The following SULF2 variants were observed in gnomAD, a reference collection of about 807,000 sequenced individuals.
SULF2 encodes the protein extracellular sulfatase Sulf-2.
In SULF2, 52 loss-of-function variants were observed where a neutral mutation model predicts 107.7. The ratio of observed to expected loss-of-function variants is 0.48; its 90% CI spans 0.39 to 0.61. The LOEUF (loss-of-function observed/expected upper bound fraction) is 0.61. Among genes scored for constraint, SULF2 ranks in the 20% least tolerant of loss-of-function variants. The pLI, the probability that SULF2 is intolerant of heterozygous loss-of-function variation, is 0.00. For missense variants in SULF2, 993 were observed against 1,177.3 expected (o/e 0.84, Z 2.29); for synonymous variants, 460 against 464.3 (o/e 0.99, Z 0.12).
chr20:47,707,626 G>A (rs1297558371), intron 3 of SULF2, among the ~76,000 whole-genome samples: 2 of 152,052 alleles, frequency 1.3e-5, no homozygotes, highest in Non-Finnish European at 2.9e-5. Context: ...TGAGATATGC[G>A]GACCCCCCCA....
chr20:47,768,485 G>T (rs113841768), intron 1 of SULF2, among the ~76,000 whole-genome samples: 1 of 152,210 alleles, frequency 6.6e-6, no homozygotes, highest in Non-Finnish European at 1.5e-5. Flanking sequence ...ATTGGGGGGC[G>T]GGCTGGAGGC....
chr20:47,695,368 G>C (rs1397489346), intron 4 of SULF2, among the ~76,000 whole-genome samples: 1 of 152,136 alleles, frequency 6.6e-6, no homozygotes, highest in East Asian at 1.9e-4. Context: ...GCACCATGTT[G>C]TACAGCAGAT....
intron 1 of SULF2, among the ~76,000 whole-genome samples, chr20:47,783,534 G>A (rs1403354752): frequency 2.6e-5 from 4 of 152,154 alleles, no homozygotes; most frequent in Admixed American, 1.3e-4. Flanking sequence ...CTGCTATGCT[G>A]TCCTCCTCCA....
chr20:47,733,281 C>G (rs909178247), intron 3 of SULF2, among the ~76,000 whole-genome samples: 1 of 152,098 alleles, frequency 6.6e-6, no homozygotes, highest in African/African-American at 2.4e-5. Flanking sequence ...TTAGGAGAGG[C>G]CCTTGAAAAA....
intron 3 of SULF2, among the ~76,000 whole-genome samples, chr20:47,727,275 G>A (rs1030620850): frequency 6.6e-6 from 1 of 152,144 alleles, no homozygotes; most frequent in Non-Finnish European, 1.5e-5. Context: ...ATTCAGAGAG[G>A]AGCAGGCCAC....
At chr20:47,665,797 C>T (rs544260708) in intron 13 of SULF2, 60 bp downstream of exon 13, 179 of 1,445,308 alleles carry the variant, frequency 1.2e-4, no homozygotes, top group African/African-American at 2.8e-4. Flanking sequence ...CACTGTGAAC[C>T]GGGGGTCCTG....
Position 47,729,653 on chromosome 20 carries a change from G to T in SULF2, c.415+7050C>A, listed in dbSNP as rs12481302. ...GAGCAACTGGAAAACTGGAGGTGCCGAGGAGAAGCCTGTGAGAGGCGCCGG... is the reference window on the plus strand; with the variant it reads ...GAGCAACTGGAAAACTGGAGGTGCCTAGGAGAAGCCTGTGAGAGGCGCCGG... On this transcript the variant is annotated intron_variant, in intron 3 of 20. Transcript: ENST00000688720. Among the ~76,000 whole-genome samples, 163 of 152,328 alleles carry T rather than the reference G, an allele frequency of 1.1e-3. 1 individual carries two copies. In the East Asian group the frequency reaches 0.018, roughly 17 times the overall value.
intron 11 of SULF2, among the ~76,000 whole-genome samples, chr20:47,670,126 C>A (rs140319209): frequency 6.6e-6 from 1 of 152,164 alleles, no homozygotes; most frequent in Non-Finnish European, 1.5e-5. Flanking sequence ...GAGATCACTG[C>A]GCCTGCCGTC....
chr20:47,661,261 C>T (rs554836640), intron 18 of SULF2, among the ~76,000 whole-genome samples: 12 of 152,158 alleles, frequency 7.9e-5, no homozygotes, highest in South Asian at 6.2e-4. Context: ...TCTCAGTGGT[C>T]GATTGCATCC....
intron 1 of SULF2, among the ~76,000 whole-genome samples, chr20:47,761,533 A>G (rs2090419384): frequency 6.6e-6 from 1 of 152,252 alleles, no homozygotes; most frequent in Non-Finnish European, 1.5e-5. Context: ...TGTAGAGCTA[A>G]TTGTACAAAT....
At chr20:47,716,086 C>G (rs1295171853) in intron 3 of SULF2, among the ~76,000 whole-genome samples, 3 of 152,170 alleles carry the variant, frequency 2.0e-5, no homozygotes, top group African/African-American at 4.8e-5. Flanking sequence ...TGTAAGGCAA[C>G]AGCAGTGCTT....
intron 11 of SULF2, among the ~76,000 whole-genome samples, chr20:47,669,080 G>C (rs1057057665): frequency 1.3e-5 from 2 of 152,204 alleles, no homozygotes; most frequent in Non-Finnish European, 2.9e-5. Flanking sequence ...TTCACCAGCG[G>C]AAGTGGCCCT....
At chr20:47,755,841 C>T (rs1052321144) in intron 2 of SULF2, among the ~76,000 whole-genome samples, 7 of 152,018 alleles carry the variant, frequency 4.6e-5, no homozygotes, top group Non-Finnish European at 1.0e-4. Flanking sequence ...TGGTGCAACC[C>T]GGGCCAAGTC....
chr20:47,686,974 C>T (rs917441542), intron 5 of SULF2, among the ~76,000 whole-genome samples: 4 of 152,128 alleles, frequency 2.6e-5, no homozygotes, highest in Non-Finnish European at 4.4e-5. Context: ...TCAGATCTCT[C>T]CCACCGAGGA....
chr20:47,683,117 T>G lies in SULF2; in HGVS notation c.941A>C (p.Tyr314Ser), dbSNP rs1568809918. The part of the protein sequence containing the change: ...TGELDNTYIV[Y>S]TADHGYHIGQ... ...GATGTGGTAACCGTGGTCGGCGGTG[T>G]ATACGATGTACGTGTTGTCCAGCTC... The change falls in exon 7 of 21, where the codon TAC becomes TCC. Residue 314 changes from tyrosine to serine, a missense_variant. Physicochemically the swap from Tyr to Ser is moderately radical, Grantham distance 144 (BLOSUM62 -2). Transcript: ENST00000688720. 6.2e-7 allele frequency: 1 copy of G among 1,613,536 alleles called. No individual in the cohort carries two copies. The highest frequency in any genetic ancestry group is 8.5e-7 in the Non-Finnish European group (1 of 1,179,802).
intron 5 of SULF2, chr20:47,685,012 G>A (rs2087950739): frequency 6.4e-6 from 1 of 157,282 alleles, no homozygotes; most frequent in African/African-American, 2.4e-5. Flanking sequence ...GCATTGCTTT[G>A]TGTGCCTTGT....
chr20:47,727,864 C>T (rs1417983940), intron 3 of SULF2, among the ~76,000 whole-genome samples: 1 of 152,226 alleles, frequency 6.6e-6, no homozygotes, highest in African/African-American at 2.4e-5. Context: ...AAAACAAGTG[C>T]TTCACTTATT....
intron 4 of SULF2, among the ~76,000 whole-genome samples, chr20:47,695,959 A>ATTT (rs2088361846): frequency 2.0e-5 from 3 of 152,174 alleles, no homozygotes; most frequent in Non-Finnish European, 4.4e-5. Context: ...TGTATATACC[A>ATTT]TGTGAAAAAT....
Position 47,694,471 on chromosome 20 carries a change from G to T in SULF2, c.568-4176C>A, listed in dbSNP as rs2088308128. On this transcript the variant is annotated intron_variant, in intron 4 of 20. Coordinates refer to ENST00000688720, the MANE Select transcript of SULF2 (RefSeq NM_001387048.1). The surrounding 1 kb of genome is among the most constrained non-coding windows in gnomAD (Gnocchi z 4.4). Reference sequence around the variant, plus strand: ...TGAAATTCAGACCTGTGAGCAGGAGGGTGAGATGGGTGGAGGTCCACAGGC... The same window carrying T: ...TGAAATTCAGACCTGTGAGCAGGAGTGTGAGATGGGTGGAGGTCCACAGGC... Among the ~76,000 whole-genome samples, 1 of 152,222 alleles carries T rather than the reference G, an allele frequency of 6.6e-6. No homozygotes were observed. Among genetic ancestry groups the T allele is most frequent in the South Asian group, 2.1e-4 (1 of 4,832 alleles).
Sources: allele counts gnomAD v4.1 joint callset (sites outside exome capture counted in the v4.1 genomes callset), GRCh38; gene constraint gnomAD v4.1.1; non-coding constraint Gnocchi (gnomAD v3.1); transcripts MANE v1.5; gene names NCBI Gene and HGNC (gene_info 2026-07-23, HGNC 2026-07-21).